CAP2: variants seen among roughly 807,000 people sequenced by gnomAD.
The protein encoded by CAP2 is cyclase associated actin cytoskeleton regulatory protein 2, also known as adenylyl cyclase-associated protein 2.
In CAP2, 24 loss-of-function variants were observed where a neutral mutation model predicts 57.7. The observed-to-expected ratio is 0.42, with a 90% CI of 0.30 to 0.58. CAP2 has a LOEUF of 0.58. CAP2 is among the 20% of genes least tolerant of loss of function. The pLI, the probability that CAP2 is intolerant of heterozygous loss-of-function variation, is 0.22. For missense variants in CAP2, 501 were observed against 590.3 expected, an observed-to-expected ratio of 0.85 and a Z score of 1.57; for synonymous variants, 194 against 207.2, an observed-to-expected ratio of 0.94 and a Z score of 0.55.
chr6:17,406,412 T>TTTTTTTTTTTC lies in CAP2; in HGVS notation c.-2+12667_-2+12668insTTTTTTTTTCT, dbSNP rs1197104013. Among the ~76,000 whole-genome samples the TTTTTTTTTTTC allele has an allele frequency of 3.3e-4, 44 of 135,254 alleles. 7 individuals carry two copies. Among genetic ancestry groups the TTTTTTTTTTTC allele is most frequent in the African/African-American group, 1.4e-3 (38 of 27,010 alleles). The allele number at this position is 135,254 out of a possible 152,430, so 88.7% of individuals were successfully genotyped here. A position where few individuals can be genotyped will look rare whatever the true frequency, so the allele number is the denominator to read the frequency against. ...AGCCCAGATTTCTTTTTTTTTTTTT[T>TTTTTTTTTTTC]TGAGGCAGTCTCACTCTGTCGCCCA... On this transcript the variant is annotated intron_variant, in intron 1 of 12. Transcript: ENST00000229922.
chr6:17,506,909 T>C (rs1762001376), intron 4 of CAP2, among the ~76,000 whole-genome samples: 1 of 152,210 alleles, frequency 6.6e-6, no homozygotes, highest in African/African-American at 2.4e-5. Flanking sequence ...TGTGCCATAC[T>C]GCTGGGTTTT....
At chr6:17,532,447 G>C (rs1187872822) in intron 7 of CAP2, among the ~76,000 whole-genome samples, 4 of 145,750 alleles carry the variant, frequency 2.7e-5, no homozygotes, top group Non-Finnish European at 4.5e-5. Context: ...AGCTGGGTTT[G>C]AAAATCTTAG....
intron 3 of CAP2, among the ~76,000 whole-genome samples, chr6:17,461,096 C>G: frequency 6.6e-6 from 1 of 152,108 alleles, no homozygotes; most frequent in Admixed American, 6.5e-5. Flanking sequence ...CTTCCGTGAA[C>G]CAAGATTGCA....
chr6:17,490,699 G>C lies in CAP2; in HGVS notation c.301-16470G>C, dbSNP rs866588944. Among the ~76,000 whole-genome samples the C allele has an allele frequency of 1.2e-4, 19 of 152,288 alleles. No individual in the cohort carries two copies. In the Middle Eastern group the frequency reaches 0.014, roughly 109 times the overall value. On this transcript the variant is annotated intron_variant, in intron 4 of 12. Transcript: ENST00000229922. ...GGTCCAATCAGAACAAACAGAATGA[G>C]AGCCTTGGAGAAGGATCCTGGAGGC...
Position 17,432,014 on chromosome 6 carries a change from T to C in CAP2, c.222+5324T>C, listed in dbSNP as rs188151740. On this transcript the variant is annotated intron_variant, in intron 3 of 12. Coordinates refer to ENST00000229922, the MANE Select transcript of CAP2 (RefSeq NM_006366.3). ...AAGACAAAACATCTTTCCACTCTCC[T>C]GTGGTATAGATGAACATCAGCCTCC... Among the ~76,000 whole-genome samples the C allele has an allele frequency of 3.0e-4, 45 of 152,236 alleles. 1 individual carries two copies. In the East Asian group the frequency reaches 8.3e-3, roughly 28 times the overall value.
chr6:17,424,733 A>C (rs1190791989), intron 2 of CAP2, among the ~76,000 whole-genome samples: 1 of 152,232 alleles, frequency 6.6e-6, no homozygotes, highest in Non-Finnish European at 1.5e-5. Context: ...TTGGAGAGAA[A>C]GACAGGTCTG....
intron 1 of CAP2, among the ~76,000 whole-genome samples, chr6:17,408,511 C>T (rs1004231109): frequency 5.3e-5 from 8 of 152,130 alleles, no homozygotes; most frequent in Non-Finnish European, 1.2e-4. Context: ...CAGATTTCAA[C>T]ATAAGTTTTG....
At chr6:17,525,138 G>A (rs1296356860) in intron 7 of CAP2, among the ~76,000 whole-genome samples, 1 of 151,724 alleles carries the variant, frequency 6.6e-6, no homozygotes, top group Non-Finnish European at 1.5e-5. Flanking sequence ...CCTAACCTCA[G>A]GTGATCCTCC....
chr6:17,511,055 A>G (rs956068130), intron 6 of CAP2, among the ~76,000 whole-genome samples: 1 of 152,204 alleles, frequency 6.6e-6, no homozygotes, highest in Non-Finnish European at 1.5e-5. Flanking sequence ...TAAGTAGAAA[A>G]TGTACTTCCA....
chr6:17,455,918 C>A (rs1227101667), intron 3 of CAP2, among the ~76,000 whole-genome samples: 2 of 152,174 alleles, frequency 1.3e-5, no homozygotes, highest in Non-Finnish European at 2.9e-5. Context: ...TGAATTCTTT[C>A]TTATGAGGAA....
At chr6:17,434,424 T>G (rs1042815609) in intron 3 of CAP2, among the ~76,000 whole-genome samples, 6 of 152,098 alleles carry the variant, frequency 3.9e-5, no homozygotes, top group Non-Finnish European at 8.8e-5. Flanking sequence ...AGACGGGGTT[T>G]CACTCTGTTG....
At chr6:17,544,416 G>A (rs1762992463) in intron 11 of CAP2, among the ~76,000 whole-genome samples, 1 of 152,150 alleles carries the variant, frequency 6.6e-6, no homozygotes, top group African/African-American at 2.4e-5. Context: ...TAGGGTTGGA[G>A]TTGAATTTGC....
intron 4 of CAP2, among the ~76,000 whole-genome samples, chr6:17,505,404 C>T (rs1234636898): frequency 6.6e-6 from 1 of 152,116 alleles, no homozygotes; most frequent in Non-Finnish European, 1.5e-5. Context: ...GTGAAGCCAC[C>T]GCTGCAGCAA....
At chr6:17,422,201 A>G (rs543875173) in intron 2 of CAP2, among the ~76,000 whole-genome samples, 1 of 152,376 alleles carries the variant, frequency 6.6e-6, no homozygotes, top group African/African-American at 2.4e-5. Flanking sequence ...ATCATTCTGT[A>G]GATTTTCATT....
intron 3 of CAP2, among the ~76,000 whole-genome samples, chr6:17,447,837 C>A (rs1287035461): frequency 1.3e-5 from 2 of 152,182 alleles, no homozygotes; most frequent in South Asian, 2.1e-4. Flanking sequence ...TGAAACCATG[C>A]CTCAGAAAGG....
At position 17,425,936 on chromosome 6, in the gene CAP2, A is replaced by T. The variant is rs567461301; in HGVS notation, c.122-654A>T. ...ATGGTGAGACCCTGTCTCTACAAAAACTACAAAAATTAACAGAGCACGGTG... is the reference window on the plus strand; with the variant it reads ...ATGGTGAGACCCTGTCTCTACAAAATCTACAAAAATTAACAGAGCACGGTG... On this transcript the variant is annotated intron_variant, in intron 2 of 12. Transcript: ENST00000229922. Among the ~76,000 whole-genome samples the T allele has an allele frequency of 1.5e-4, 23 of 152,118 alleles. No homozygotes were observed. The South Asian group carries it at 3.3e-3, about 22-fold the overall frequency.
At chr6:17,555,197 G>T (rs986904819) in intron 12 of CAP2, among the ~76,000 whole-genome samples, 2 of 151,920 alleles carry the variant, frequency 1.3e-5, no homozygotes, top group South Asian at 2.1e-4. Context: ...ATCAGAATCT[G>T]CATTTTTTTT....
intron 7 of CAP2, chr6:17,531,575 C>T (rs959805492): frequency 2.1e-5 from 32 of 1,536,946 alleles, no homozygotes; most frequent in South Asian, 8.9e-5. Context: ...GAAATTCCTT[C>T]GCTTTTTCTT....
intron 7 of CAP2, chr6:17,531,687 C>A: frequency 1.4e-6 from 1 of 728,062 alleles, no homozygotes; most frequent in Non-Finnish European, 2.3e-6. Flanking sequence ...TGGGTAAGAA[C>A]ACTAATAGGT....
Sources: allele counts gnomAD v4.1 joint callset (sites outside exome capture counted in the v4.1 genomes callset), GRCh38; gene constraint gnomAD v4.1.1; transcripts MANE v1.5; gene names NCBI Gene and HGNC (gene_info 2026-07-23, HGNC 2026-07-21).